ADAMTS17: variants seen among roughly 807,000 people sequenced by gnomAD.
ADAMTS17 encodes A disintegrin and metalloproteinase with thrombospondin motifs 17.
In ADAMTS17, 113 loss-of-function variants were observed where a neutral mutation model predicts 141.5. The observed-to-expected ratio is 0.80, with a 90% CI of 0.69 to 0.93. The LOEUF is 0.93. Ranked by LOEUF, ADAMTS17 falls within the 40% of genes least tolerant of loss-of-function variation. The pLI, the probability that ADAMTS17 is intolerant of heterozygous loss-of-function variation, is 0.00. For missense variants in ADAMTS17, 1,659 were observed against 1,517.9 expected, an observed-to-expected ratio of 1.09 and a Z score of -1.54; for synonymous variants, 768 against 630.6, an observed-to-expected ratio of 1.22 and a Z score of -3.27.
At position 100,297,498 on chromosome 15, in the gene ADAMTS17, A is replaced by G. The variant is rs2044865860; in HGVS notation, c.617-16097T>C. Reference sequence around the variant, plus strand: ...CAGGTGGGAAGAAGCAAATAGATTCAGGAGGGACTTCGAAGATGGAACAAT... The same window carrying G: ...CAGGTGGGAAGAAGCAAATAGATTCGGGAGGGACTTCGAAGATGGAACAAT... On this transcript the variant is annotated intron_variant, in intron 3 of 21. Coordinates refer to ENST00000268070, the MANE Select transcript of ADAMTS17 (RefSeq NM_139057.4). Among the ~76,000 whole-genome samples the G allele has an allele frequency of 2.0e-5, 3 of 152,200 alleles. 1 individual carries two copies. Among genetic ancestry groups the G allele is most frequent in the Non-Finnish European group, 1.5e-5 (1 of 68,036 alleles).
chr15:100,139,888 G>A (rs897269164), intron 10 of ADAMTS17, among the ~76,000 whole-genome samples: 6 of 152,162 alleles, frequency 3.9e-5, no homozygotes, highest in Non-Finnish European at 8.8e-5. Flanking sequence ...GGACATTGAT[G>A]GAAAAACTGG....
chr15:100,317,123 G>A (rs568225733), intron 3 of ADAMTS17, among the ~76,000 whole-genome samples: 4 of 151,982 alleles, frequency 2.6e-5, no homozygotes, highest in East Asian at 3.9e-4. Flanking sequence ...CCACTCACCC[G>A]ACACCTCAAA....
At chr15:100,026,724 A>C (rs1222905966) in intron 18 of ADAMTS17, among the ~76,000 whole-genome samples, 1 of 152,144 alleles carries the variant, frequency 6.6e-6, no homozygotes, top group Non-Finnish European at 1.5e-5. Flanking sequence ...AGTCCCTATT[A>C]AATGTTTCTT....
chr15:100,205,215 C>G (rs141836953), intron 7 of ADAMTS17, among the ~76,000 whole-genome samples: 1 of 152,062 alleles, frequency 6.6e-6, no homozygotes, highest in South Asian at 2.1e-4. Context: ...ACAGATGACT[C>G]GAGGGTCCCT....
At chr15:100,151,663 G>T (rs1236996893) in intron 10 of ADAMTS17, among the ~76,000 whole-genome samples, 2 of 152,136 alleles carry the variant, frequency 1.3e-5, no homozygotes, top group East Asian at 3.9e-4. Flanking sequence ...CCCTACTTCT[G>T]CCCTCCTTCT....
intron 8 of ADAMTS17, among the ~76,000 whole-genome samples, chr15:100,192,281 T>C (rs1333685474): frequency 6.6e-6 from 1 of 152,162 alleles, no homozygotes; most frequent in Non-Finnish European, 1.5e-5. Flanking sequence ...GAAGACTGCC[T>C]GAGGCCATGA....
chr15:100,249,330 G>A (rs1049107659), intron 7 of ADAMTS17, among the ~76,000 whole-genome samples: 8 of 152,256 alleles, frequency 5.3e-5, no homozygotes, highest in African/African-American at 1.9e-4. Context: ...ATCTTGGGCT[G>A]TCTGGCATTC....
intron 5 of ADAMTS17, among the ~76,000 whole-genome samples, 176 bp downstream of exon 5, chr15:100,262,176 C>A (rs1159030524): frequency 6.6e-6 from 1 of 152,100 alleles, no homozygotes. Flanking sequence ...CTCAACAGCC[C>A]CCCCTCACAC....
At chr15:100,171,718 T>C (rs1293422118) in intron 8 of ADAMTS17, among the ~76,000 whole-genome samples, 2 of 152,130 alleles carry the variant, frequency 1.3e-5, no homozygotes, top group Non-Finnish European at 2.9e-5. Context: ...CATGTTTCTC[T>C]ACACCTCAAT....
rs962460339 is a variant in ADAMTS17 at position 100,341,319 on chromosome 15, G to A, written c.170C>T (p.Pro57Leu). 6 of 1,038,972 alleles carry A rather than the reference G, an allele frequency of 5.8e-6. No individual in the cohort carries two copies. In the African/African-American group the frequency reaches 6.9e-5, roughly 12 times the overall value. The allele number at this position is 1,038,972 out of a possible 1,614,324, so 64.4% of individuals were successfully genotyped here. ...GGGGCGTCGCCGCCGTCGGGGCCCG[G>A]GGGCTGCGGGCAGCGGCGGCAGGTG... The part of the protein sequence containing the change: ...DVHLPPLPAA[P>L]GPRRRRRPRT... The change falls in exon 2 of 22, where the codon CCC becomes CTC. Residue 57 changes from proline to leucine, a missense_variant. Pro to Leu is a moderately conservative substitution (Grantham distance 98). Coordinates refer to ENST00000268070, the MANE Select transcript of ADAMTS17 (RefSeq NM_139057.4).
intron 7 of ADAMTS17, among the ~76,000 whole-genome samples, chr15:100,202,463 C>T (rs2041372097): frequency 1.3e-5 from 2 of 152,270 alleles, no homozygotes; most frequent in South Asian, 2.1e-4. Context: ...GAAACAGCTC[C>T]TGATAACAGA....
At chr15:100,276,779 T>C (rs1381410252) in intron 4 of ADAMTS17, among the ~76,000 whole-genome samples, 1 of 152,080 alleles carries the variant, frequency 6.6e-6, no homozygotes. Flanking sequence ...CCACAATCCT[T>C]TCCCGTCCTC....
intron 6 of ADAMTS17, 79 bp from the exon 7 acceptor site, chr15:100,254,258 A>C: frequency 1.8e-4 from 235 of 1,294,568 alleles, no homozygotes; most frequent in Non-Finnish European, 2.4e-4. Context: ...AATTAACCTC[A>C]AGTAGTCATC....
At chr15:100,146,300 G>A (rs930928668) in intron 10 of ADAMTS17, among the ~76,000 whole-genome samples, 7 of 152,306 alleles carry the variant, frequency 4.6e-5, no homozygotes, top group African/African-American at 1.7e-4. Flanking sequence ...AGAAGAACGT[G>A]GATTGTGAAG....
chr15:100,175,080 G>A (rs570937388), intron 8 of ADAMTS17, among the ~76,000 whole-genome samples: 1 of 152,110 alleles, frequency 6.6e-6, no homozygotes, highest in African/African-American at 2.4e-5. Context: ...CCCTCCCCTC[G>A]CAGCCTACTG....
intron 18 of ADAMTS17, among the ~76,000 whole-genome samples, chr15:100,031,885 T>C (rs145706883): frequency 7.1e-4 from 108 of 152,212 alleles, no homozygotes; most frequent in African/African-American, 2.5e-3. Flanking sequence ...CTGACAAATA[T>C]TTGCTGAGTG....
chr15:100,310,360 T>C (rs2045364103), intron 3 of ADAMTS17, among the ~76,000 whole-genome samples: 1 of 152,228 alleles, frequency 6.6e-6, no homozygotes, highest in Non-Finnish European at 1.5e-5. Context: ...CTGGCAGCAG[T>C]GGAAACAGTT....
At chr15:100,089,228 T>C (rs575128847) in intron 15 of ADAMTS17, among the ~76,000 whole-genome samples, 4 of 141,076 alleles carry the variant, frequency 2.8e-5, no homozygotes, top group Admixed American at 2.2e-4. Context: ...AAAAAACACA[T>C]GAAAAAATGC....
intron 3 of ADAMTS17, among the ~76,000 whole-genome samples, chr15:100,301,978 T>C (rs1176518408): frequency 6.6e-6 from 1 of 152,244 alleles, no homozygotes; most frequent in Non-Finnish European, 1.5e-5. Flanking sequence ...TTGTTTTCAG[T>C]GTATTCACAG....
Sources: allele counts gnomAD v4.1 joint callset (sites outside exome capture counted in the v4.1 genomes callset), GRCh38; gene constraint gnomAD v4.1.1; transcripts MANE v1.5; gene names NCBI Gene and HGNC (gene_info 2026-07-23, HGNC 2026-07-21).